The following CNTNAP2 variants were observed in gnomAD, a reference collection of about 807,000 sequenced individuals.
CNTNAP2 encodes contactin-associated protein-like 2.
In CNTNAP2, 98 loss-of-function variants were observed where a neutral mutation model predicts 155.2. The ratio of observed to expected loss-of-function variants is 0.63; its 90% CI spans 0.54 to 0.75. The LOEUF (loss-of-function observed/expected upper bound fraction) is 0.75, where lower values mean the gene tolerates loss of function less well. Ranked by LOEUF, CNTNAP2 falls within the 30% of genes least tolerant of loss-of-function variation. The pLI, the probability that CNTNAP2 is intolerant of heterozygous loss-of-function variation, is 0.00. For missense variants in CNTNAP2, 1,727 were observed against 1,688.1 expected (o/e 1.02, Z -0.40); for synonymous variants, 651 against 631.2 (o/e 1.03, Z -0.47).
intron 1 of CNTNAP2, among the ~76,000 whole-genome samples, chr7:146,502,238 T>TATATATGA (rs1554441626): frequency 2.5e-5 from 3 of 118,112 alleles, no homozygotes; most frequent in African/African-American, 1.1e-4. Flanking sequence ...TATATATATA[T>TATATATGA]ATATATATAT....
intron 13 of CNTNAP2, chr7:147,643,244 A>G (rs941160326): frequency 6.6e-6 from 1 of 152,196 alleles, no homozygotes; most frequent in Non-Finnish European, 1.5e-5. Flanking sequence ...AAAATGGCAT[A>G]CATAGTTACC....
chr7:147,114,050 T>C (rs1375056753), intron 5 of CNTNAP2, among the ~76,000 whole-genome samples: 10 of 152,314 alleles, frequency 6.6e-5, no homozygotes, highest in South Asian at 4.1e-4. Flanking sequence ...ATTCTTGATT[T>C]CTGCCTTAAT....
In CNTNAP2 at chr7:146,464,564, A is replaced by G. The variant is rs150391411; in HGVS notation, c.98-309707A>G. 1.8e-3 allele frequency among the ~76,000 whole-genome samples: 277 copies of G among 152,238 alleles called. 1 individual carries two copies. Among genetic ancestry groups the G allele is most frequent in the African/African-American group, 5.9e-3 (244 of 41,546 alleles). On this transcript the variant is annotated intron_variant, in intron 1 of 23. Coordinates refer to ENST00000361727, the MANE Select transcript of CNTNAP2 (RefSeq NM_014141.6). ...TTTGAAGTAGTAAGTCTGTAAATACATAGTTGCACCTTCTTCCCTCTTTTT... is the reference window on the plus strand; with the variant it reads ...TTTGAAGTAGTAAGTCTGTAAATACGTAGTTGCACCTTCTTCCCTCTTTTT...
At chr7:148,011,331 T>C (rs1043947749) in intron 15 of CNTNAP2, among the ~76,000 whole-genome samples, 5 of 152,202 alleles carry the variant, frequency 3.3e-5, no homozygotes, top group African/African-American at 1.2e-4. Context: ...CTATTGCTGA[T>C]TATACATCAT....
At chr7:148,250,680 G>A (rs1355136859) in intron 20 of CNTNAP2, among the ~76,000 whole-genome samples, 2 of 152,186 alleles carry the variant, frequency 1.3e-5, no homozygotes, top group Non-Finnish European at 2.9e-5. Flanking sequence ...GCAGAACACT[G>A]CAGGAAAACA....
chr7:146,696,017 G>A (rs73455302), intron 1 of CNTNAP2, among the ~76,000 whole-genome samples: 4 of 152,050 alleles, frequency 2.6e-5, no homozygotes, highest in African/African-American at 9.7e-5. Context: ...ACAGATCTTA[G>A]TCTGGATGTG....
At chr7:146,938,880 C>T (rs1462952478) in intron 3 of CNTNAP2, among the ~76,000 whole-genome samples, 1 of 151,720 alleles carries the variant, frequency 6.6e-6, no homozygotes, top group African/African-American at 2.4e-5. Context: ...ATTGGTAGTC[C>T]CAGAAATCTA....
intron 21 of CNTNAP2, among the ~76,000 whole-genome samples, chr7:148,305,222 C>CAAAAAAAA (rs34005083): frequency 3.9e-5 from 2 of 51,944 alleles, no homozygotes; most frequent in African/African-American, 1.4e-4. Flanking sequence ...GGCCCTGTCT[C>CAAAAAAAA]AAAAAAAAAA....
intron 1 of CNTNAP2, among the ~76,000 whole-genome samples, chr7:146,374,740 T>C (rs1161455859): frequency 6.6e-6 from 1 of 152,238 alleles, no homozygotes; most frequent in Non-Finnish European, 1.5e-5. Context: ...AATCTATTTG[T>C]GAGTTGATGC....
chr7:147,397,521 T>G (rs1188355675), intron 10 of CNTNAP2, among the ~76,000 whole-genome samples: 2 of 152,038 alleles, frequency 1.3e-5, no homozygotes, highest in Non-Finnish European at 2.9e-5. Flanking sequence ...TTGCTGTTTC[T>G]CTCTAAACAT....
chr7:146,712,255 AT>A (rs1433578924), intron 1 of CNTNAP2, among the ~76,000 whole-genome samples: 1 of 62,462 alleles, frequency 1.6e-5, no homozygotes, highest in South Asian at 8.1e-4. Flanking sequence ...GTATACAAAT[AT>A]GTATACATAT....
intron 16 of CNTNAP2, among the ~76,000 whole-genome samples, chr7:148,124,487 C>T (rs1422295167): frequency 1.3e-5 from 2 of 152,076 alleles, no homozygotes; most frequent in Non-Finnish European, 2.9e-5. Context: ...GTCCCAACCT[C>T]GGGCCACCAC....
chr7:147,098,801 A>C (rs1409979610), intron 4 of CNTNAP2, among the ~76,000 whole-genome samples: 1 of 152,176 alleles, frequency 6.6e-6, no homozygotes, highest in Non-Finnish European at 1.5e-5. Context: ...TACTTTATTA[A>C]TACTTTATAT....
In CNTNAP2 at chr7:148,313,754, A is replaced by G. The variant is rs1231546579; in HGVS notation, c.3475+46628A>G. Reference sequence around the variant, plus strand: ...GGAATTTAATTTTTGGAGTTTATTTAATGTCGGGAGCAGATTGGGTAATAA... The same window carrying G: ...GGAATTTAATTTTTGGAGTTTATTTGATGTCGGGAGCAGATTGGGTAATAA... On this transcript the variant is annotated intron_variant, in intron 21 of 23. Coordinates refer to ENST00000361727, the MANE Select transcript of CNTNAP2 (RefSeq NM_014141.6). 2.0e-5 allele frequency among the ~76,000 whole-genome samples: 3 copies of G among 152,170 alleles called. No homozygotes were observed. The East Asian group carries it at 5.8e-4, about 29-fold the overall frequency.
At chr7:147,038,625 G>C (rs1037751010) in intron 3 of CNTNAP2, among the ~76,000 whole-genome samples, 2 of 152,104 alleles carry the variant, frequency 1.3e-5, no homozygotes, top group African/African-American at 4.8e-5. Flanking sequence ...TTTTCACTCA[G>C]CGTGCATTGG....
At chr7:148,153,610 C>T (rs928962546) in intron 17 of CNTNAP2, among the ~76,000 whole-genome samples, 4 of 152,224 alleles carry the variant, frequency 2.6e-5, no homozygotes, top group Admixed American at 6.5e-5. Flanking sequence ...TTTTCTTAGG[C>T]GGTGGAGAAA....
chr7:147,584,942 C>T (rs764938073), intron 12 of CNTNAP2, among the ~76,000 whole-genome samples: 45 of 152,190 alleles, frequency 3.0e-4, no homozygotes, highest in South Asian at 1.0e-3. Flanking sequence ...ACAAGGCATG[C>T]GGCCAGGACA....
chr7:146,824,975 A>G (rs1803372637), intron 2 of CNTNAP2, among the ~76,000 whole-genome samples: 3 of 152,130 alleles, frequency 2.0e-5, no homozygotes, highest in Admixed American at 2.0e-4. Context: ...CTATTAAAGA[A>G]ATTCTTTACA....
chr7:146,901,162 A>ACAG (rs1795985412), intron 3 of CNTNAP2, among the ~76,000 whole-genome samples: 2 of 152,096 alleles, frequency 1.3e-5, no homozygotes, highest in African/African-American at 2.4e-5. Flanking sequence ...CTTAATGCAA[A>ACAG]CAGCAGCTAC....
Sources: allele counts gnomAD v4.1 joint callset (sites outside exome capture counted in the v4.1 genomes callset), GRCh38; gene constraint gnomAD v4.1.1; transcripts MANE v1.5; gene names NCBI Gene and HGNC (gene_info 2026-07-23, HGNC 2026-07-21).